IL20RB: variants seen among roughly 807,000 people sequenced by gnomAD.
The protein encoded by IL20RB is interleukin 20 receptor subunit beta.
In IL20RB, 21 loss-of-function variants were observed where a neutral mutation model predicts 33.3. The ratio of observed to expected loss-of-function variants is 0.63; its 90% CI spans 0.45 to 0.91. The LOEUF is 0.91. IL20RB is among the 40% of genes least tolerant of loss of function. IL20RB has a pLI of 0.00. For missense variants in IL20RB, 345 were observed against 384.8 expected, an observed-to-expected ratio of 0.90 and a Z score of 0.86; for synonymous variants, 147 against 146.8, an observed-to-expected ratio of 1.00 and a Z score of -0.01.
Position 136,995,541 on chromosome 3 carries a change from C to T in IL20RB, c.810C>T (p.Val270=). ...AGTACTCCTGTTGCCCCGTGGTGGT[C>T]CTCCCAGACACCTTGGTAATAGAGT... ...LLQYSCCPVV[V]LPDTLKITNS... The change falls in exon 6 of 7, where the codon GTC becomes GTT. Residue 270 remains valine, a synonymous_variant. Transcript: ENST00000329582. 6.2e-7 allele frequency: 1 copy of T among 1,614,100 alleles called. No homozygotes were observed. The highest frequency in any genetic ancestry group is 8.5e-7 in the Non-Finnish European group (1 of 1,180,018).
chr3:136,980,113 T>C (rs745972210), intron 1 of IL20RB, among the ~76,000 whole-genome samples: 11 of 152,148 alleles, frequency 7.2e-5, no homozygotes, highest in Non-Finnish European at 4.4e-5. Context: ...CATGTAACAA[T>C]CCAGCACATG....
At chr3:136,988,665 A>C (rs361249) in intron 3 of IL20RB, among the ~76,000 whole-genome samples, 90,878 of 151,560 alleles carry the variant, frequency 0.6, 27,956 homozygotes, top group East Asian at 0.91. Context: ...ATTACCTGAG[A>C]CTGAGAGTTC....
chr3:136,985,777 A>G (rs1485302624), intron 3 of IL20RB, among the ~76,000 whole-genome samples: 1 of 152,158 alleles, frequency 6.6e-6, no homozygotes, highest in Non-Finnish European at 1.5e-5. Context: ...ATCTGCATGC[A>G]TCTTATTCAC....
At chr3:137,007,894 G>A (rs1932961257) in intron 6 of IL20RB, among the ~76,000 whole-genome samples, 1 of 152,166 alleles carries the variant, frequency 6.6e-6, no homozygotes, top group Non-Finnish European at 1.5e-5. Context: ...CTGCAGACTG[G>A]AGTGTTTCTA....
chr3:136,991,041 C>A (rs543121535), intron 4 of IL20RB, among the ~76,000 whole-genome samples: 1 of 152,282 alleles, frequency 6.6e-6, no homozygotes, highest in East Asian at 1.9e-4. Flanking sequence ...TTGGTCCAGG[C>A]AAGCCTCCAC....
intron 6 of IL20RB, among the ~76,000 whole-genome samples, chr3:137,006,991 T>C (rs1942362557): frequency 6.6e-6 from 1 of 152,248 alleles, no homozygotes. Flanking sequence ...ATGCTCTTCC[T>C]TTCTGTTTGT....
At chr3:137,000,325 ACAGAATTG>A (rs1942216481) in intron 6 of IL20RB, among the ~76,000 whole-genome samples, 1 of 152,254 alleles carries the variant, frequency 6.6e-6, no homozygotes, top group Non-Finnish European at 1.5e-5. Flanking sequence ...GAATTTATGT[ACAGAATTG>A]CAGCTCCCCT....
intron 1 of IL20RB, among the ~76,000 whole-genome samples, chr3:136,969,543 C>A (rs1383964060): frequency 6.9e-6 from 1 of 145,586 alleles, no homozygotes; most frequent in East Asian, 2.1e-4. Flanking sequence ...CAATGCCTCG[C>A]CCTGCTTCGG....
Position 136,995,417 on chromosome 3 carries a change from A to C in IL20RB, c.686A>C (p.Glu229Ala). The change falls in exon 6 of 7, where the codon GAG (glutamate) becomes GCG (alanine). Residue 229 changes from glutamate to alanine, a missense_variant. Glu to Ala is a moderately radical substitution (Grantham distance 107). Transcript: ENST00000329582. ...TGTTTTTATCTTTTGTTTCCAGGAG[A>C]GGCCATTCCCCTGGTACTGGCCCTG... ...SQTECVEVQG[E>A]AIPLVLALFA... 6.2e-7 allele frequency: 1 copy of C among 1,613,808 alleles called. No homozygotes were observed. The highest frequency in any genetic ancestry group is 8.5e-7 in the Non-Finnish European group (1 of 1,179,890).
At chr3:136,997,779 C>CTT (rs952775697) in intron 6 of IL20RB, among the ~76,000 whole-genome samples, 1 of 146,820 alleles carries the variant, frequency 6.8e-6, no homozygotes, top group African/African-American at 2.5e-5. Flanking sequence ...AGTCCACTAA[C>CTT]TTTTTTTTTT....
At chr3:136,984,128 C>T (rs1272320447) in intron 3 of IL20RB, among the ~76,000 whole-genome samples, 3 of 152,290 alleles carry the variant, frequency 2.0e-5, no homozygotes, top group East Asian at 3.9e-4. Context: ...AATGAGCCAT[C>T]GCACAGGGCC....
intron 1 of IL20RB, among the ~76,000 whole-genome samples, chr3:136,971,032 G>T (rs1035103972): frequency 6.6e-6 from 1 of 152,160 alleles, no homozygotes; most frequent in African/African-American, 2.4e-5. Flanking sequence ...TAAATTCAGG[G>T]TACTTAGGAG....
intron 1 of IL20RB, 31 bp from the exon 2 acceptor site, chr3:136,980,435 C>T (rs1333057396): frequency 1.2e-6 from 2 of 1,614,032 alleles, no homozygotes; most frequent in Non-Finnish European, 8.5e-7. Flanking sequence ...ATGAGCCCAC[C>T]TGTCAGCCAG....
intron 1 of IL20RB, among the ~76,000 whole-genome samples, chr3:136,975,090 A>C (rs1345439518): frequency 6.6e-6 from 1 of 152,050 alleles, no homozygotes; most frequent in Non-Finnish European, 1.5e-5. Context: ...GTGTTTAATA[A>C]TTCCTTCTCT....
intron 6 of IL20RB, among the ~76,000 whole-genome samples, chr3:136,995,978 G>T (rs115636022): frequency 6.6e-6 from 1 of 152,158 alleles, no homozygotes; most frequent in Non-Finnish European, 1.5e-5. Context: ...CATGCCAAAA[G>T]CCTCATTGTT....
intron 3 of IL20RB, chr3:136,986,718 A>G (rs1209274623): frequency 2.2e-6 from 1 of 456,732 alleles, no homozygotes; most frequent in Non-Finnish European, 4.4e-6. Context: ...CTGAGTGTCC[A>G]CTTGTGTCCG....
intron 2 of IL20RB, among the ~76,000 whole-genome samples, chr3:136,981,594 C>T (rs187770532): frequency 3.0e-4 from 46 of 152,254 alleles, no homozygotes; most frequent in African/African-American, 1.0e-3. Flanking sequence ...GCCAGCCATG[C>T]GAACAGCAGG....
intron 2 of IL20RB, among the ~76,000 whole-genome samples, chr3:136,980,999 G>A (rs1351312255): frequency 6.6e-6 from 1 of 152,178 alleles, no homozygotes; most frequent in Non-Finnish European, 1.5e-5. Flanking sequence ...TGGCCCTGGG[G>A]CTGAGCAGGC....
intron 1 of IL20RB, among the ~76,000 whole-genome samples, chr3:136,960,029 A>G (rs1038299513): frequency 1.3e-5 from 2 of 150,944 alleles, no homozygotes; most frequent in African/African-American, 4.9e-5. Flanking sequence ...GTCTTTATGC[A>G]GTTTTGACCA....
Sources: gnomAD v4.1 joint callset for allele counts (sites outside exome capture counted in the v4.1 genomes callset) on GRCh38, gnomAD v4.1.1 for gene constraint, MANE v1.5 for transcripts, NCBI Gene and HGNC (gene_info 2026-07-23, HGNC 2026-07-21) for gene names.